The following PCDHGA3 variants were observed in gnomAD, a reference collection of about 807,000 sequenced individuals.
The protein encoded by PCDHGA3 is protocadherin gamma-A3.
Under a neutral mutation model 58.5 loss-of-function variants are expected in PCDHGA3, and 40 were observed. The ratio of observed to expected loss-of-function variants is 0.68; its 90% confidence interval spans 0.53 to 0.89. The LOEUF (loss-of-function observed/expected upper bound fraction) is 0.89. Ranked by LOEUF, PCDHGA3 falls within the 40% of genes least tolerant of loss-of-function variation. The pLI is 0.00. For synonymous variants in PCDHGA3, 530 were observed against 525.7 expected, an observed-to-expected ratio of 1.01 and a Z score of -0.11; for missense variants, 1,223 against 1,195.9, an observed-to-expected ratio of 1.02 and a Z score of -0.33.
chr5:141,421,443 G>A (rs1561793987), intron 1 of PCDHGA3: 4 of 1,614,106 alleles, frequency 2.5e-6, no homozygotes, highest in Non-Finnish European at 2.5e-6. Flanking sequence ...CCAGAGGGAA[G>A]ACACAGCTTT....
rs1000098905 is a variant in PCDHGA3 at position 141,353,769 on chromosome 5, C to T, written c.2424+7312C>T. ...TAAACATGTTGAGATTTTTTTAATG[C>T]ATACTGTCAAATTTATTTCCAAACA... On this transcript the variant is annotated intron_variant, in intron 1 of 3. Coordinates refer to ENST00000253812, the MANE Select transcript of PCDHGA3 (RefSeq NM_018916.4). Among the ~76,000 whole-genome samples, 6 of 152,110 alleles carry T rather than the reference C, an allele frequency of 3.9e-5. No homozygotes were observed. In the South Asian group the frequency reaches 8.3e-4, roughly 21 times the overall value.
In PCDHGA3 at chr5:141,415,213, G is replaced by A. The variant is rs750613524; in HGVS notation, c.2424+68756G>A. On this transcript the variant is annotated intron_variant, in intron 1 of 3. Coordinates refer to ENST00000253812, the MANE Select transcript of PCDHGA3 (RefSeq NM_018916.4). ...CATCCCCCAAGTCCTGGCGGACCTC[G>A]GCAGCTTCGAGTCTCCAGCTAACTC... 1.9e-6 allele frequency: 3 copies of A among 1,614,074 alleles called. No individual in the cohort carries two copies. In the East Asian group the frequency reaches 6.7e-5, roughly 36 times the overall value.
intron 1 of PCDHGA3, among the ~76,000 whole-genome samples, chr5:141,470,142 A>G (rs1308458765): frequency 6.6e-6 from 1 of 152,044 alleles, no homozygotes; most frequent in Non-Finnish European, 1.5e-5. Context: ...AAAAAAGATC[A>G]TAGATCATCT....
Position 141,489,802 on chromosome 5 carries a change from G to A in PCDHGA3, c.2425-5005G>A, listed in dbSNP as rs2099692541. On this transcript the variant is annotated intron_variant, in intron 1 of 3. Transcript: ENST00000253812. The surrounding 1 kb of genome is among the most constrained non-coding windows in gnomAD (Gnocchi z 4.5). ...TCTGAATGTGAAGACCCTAAAAGAT[G>A]GGAAGCCATTCCCAGAGCTGGTGCT... is the stretch of plus-strand genomic sequence containing the variant. 6.2e-7 allele frequency: 1 copy of A among 1,614,042 alleles called. No homozygotes were observed. The highest frequency in any genetic ancestry group is 1.1e-5 in the South Asian group (1 of 91,088).
chr5:141,478,392 A>G, intron 1 of PCDHGA3: 1 of 1,613,560 alleles, frequency 6.2e-7, no homozygotes, highest in Non-Finnish European at 8.5e-7. Context: ...CTTTACCATC[A>G]GGTGTATCTC....
chr5:141,466,039 A>G (rs926979550), intron 1 of PCDHGA3, among the ~76,000 whole-genome samples: 1 of 152,122 alleles, frequency 6.6e-6, no homozygotes, highest in Non-Finnish European at 1.5e-5. Context: ...GGAGAACGGC[A>G]TGAACCCAGG....
chr5:141,373,048 A>G (rs1215321006), intron 1 of PCDHGA3, among the ~76,000 whole-genome samples: 2 of 152,146 alleles, frequency 1.3e-5, no homozygotes, highest in African/African-American at 4.8e-5. Flanking sequence ...ATCCTAATAC[A>G]CTATAATCTG....
At chr5:141,443,088 T>G (rs188899890) in intron 1 of PCDHGA3, among the ~76,000 whole-genome samples, 1 of 151,974 alleles carries the variant, frequency 6.6e-6, no homozygotes, top group African/African-American at 2.4e-5. Context: ...TGTTCCAGTC[T>G]CCTTCTCAAG....
chr5:141,361,869 G>T, intron 1 of PCDHGA3: 1 of 1,611,438 alleles, frequency 6.2e-7, no homozygotes, highest in Non-Finnish European at 8.5e-7. Flanking sequence ...TCGATATGGT[G>T]CCACGCGCCG....
intron 1 of PCDHGA3, among the ~76,000 whole-genome samples, chr5:141,359,306 G>A (rs1761168540): frequency 6.6e-6 from 1 of 152,084 alleles, no homozygotes; most frequent in African/African-American, 2.4e-5. Context: ...AGCATATTCA[G>A]GTGTTGGCAT....
chr5:141,385,066 C>T, intron 1 of PCDHGA3: 2 of 1,614,194 alleles, frequency 1.2e-6, no homozygotes, highest in South Asian at 1.1e-5. Context: ...GCACAAGTCA[C>T]GCCTGCTGCA....
Position 141,345,233 on chromosome 5 carries a change from A to G in PCDHGA3, c.1200A>G (p.Gln400=), listed in dbSNP as rs202138177. Residue 400 remains glutamine, a synonymous_variant, in exon 1 of 4, where the codon CAA becomes CAG. Transcript: ENST00000253812. ...LPFKLEKSID[Q]YYRLVTATSL... The stretch of plus-strand genomic sequence containing the variant: ...TTAAGTTAGAAAAATCAATAGATCA[A>G]TATTACCGCTTAGTGACGGCCACAT... 364 of 1,613,968 alleles carry G rather than the reference A, an allele frequency of 2.3e-4. No individual in the cohort carries two copies. In the East Asian group the frequency reaches 7.0e-3, roughly 31 times the overall value.
rs573785314 is a variant in PCDHGA3 at position 141,435,382 on chromosome 5, C to T, written c.2425-59425C>T. 2.0e-5 allele frequency among the ~76,000 whole-genome samples: 3 copies of T among 152,034 alleles called. No homozygotes were observed. In the East Asian group the frequency reaches 5.8e-4, roughly 29 times the overall value. ...TTTATCACTTAAATATACAATATAC[C>T]GTATTGCCATGACGAAAAATGGTAA... On this transcript the variant is annotated intron_variant, in intron 1 of 3. Transcript: ENST00000253812.
At position 141,486,449 on chromosome 5, in the gene PCDHGA3, A is replaced by G; in HGVS notation, c.2425-8358A>G. On this transcript the variant is annotated intron_variant, in intron 1 of 3. Coordinates refer to ENST00000253812, the MANE Select transcript of PCDHGA3 (RefSeq NM_018916.4). The surrounding 1 kb of genome is among the most constrained non-coding windows in gnomAD (Gnocchi z 5.0). The stretch of plus-strand genomic sequence containing the variant: ...CAAATCTAGCTATGACATCATGGTC[A>G]CTGCTTCTGATGCTGGGAACCCTCC... The G allele has an allele frequency of 6.2e-7, 1 of 1,614,184 alleles. No homozygotes were observed. Among genetic ancestry groups the G allele is most frequent in the Non-Finnish European group, 8.5e-7 (1 of 1,180,000 alleles).
chr5:141,431,502 G>A lies in PCDHGA3; in HGVS notation c.2425-63305G>A, dbSNP rs749812839. ...CCAGCGTTTGCTCAGCCCGAGTACC[G>A]CGCGAGCGTTCCGGAGAATCTGGCC... On this transcript the variant is annotated intron_variant, in intron 1 of 3. Coordinates refer to ENST00000253812, the MANE Select transcript of PCDHGA3 (RefSeq NM_018916.4). This position sits in a 1 kb window ranked among gnomAD's most constrained non-coding sequence, Gnocchi z 4.8. 6 of 1,614,008 alleles carry A rather than the reference G, an allele frequency of 3.7e-6. No homozygotes were observed. In the East Asian group the frequency reaches 6.7e-5, roughly 18 times the overall value.
rs761396116 is a variant in PCDHGA3 at position 141,409,790 on chromosome 5, C to T, written c.2424+63333C>T. 4 of 1,612,010 alleles carry T rather than the reference C, an allele frequency of 2.5e-6. No homozygotes were observed. The Admixed American group carries it at 5.0e-5, about 20-fold the overall frequency. ...TCACGAGCAGCTGCGCGCCTTCGCGCTCACGCTGCAGGCCCGCGACCACGG... is the reference window on the plus strand; with the variant it reads ...TCACGAGCAGCTGCGCGCCTTCGCGTTCACGCTGCAGGCCCGCGACCACGG... On this transcript the variant is annotated intron_variant, in intron 1 of 3. Transcript: ENST00000253812.
intron 2 of PCDHGA3, among the ~76,000 whole-genome samples, chr5:141,502,866 C>CTTTTTTT (rs549047197): frequency 0.02 from 2,590 of 127,990 alleles, 216 homozygotes; most frequent in African/African-American, 0.075. Flanking sequence ...GACTCTCTGT[C>CTTTTTTT]TTTTTTTTTT....
In PCDHGA3 at chr5:141,375,919, C is replaced by A. The variant is rs746123042; in HGVS notation, c.2424+29462C>A. Reference sequence around the variant, plus strand: ...TGTCCTACCGCCTGCTCAAGGCCAGCGAGCCAGGACTTTTCTCAGTGGGCC... The same window carrying A: ...TGTCCTACCGCCTGCTCAAGGCCAGAGAGCCAGGACTTTTCTCAGTGGGCC... On this transcript the variant is annotated intron_variant, in intron 1 of 3. Coordinates refer to ENST00000253812, the MANE Select transcript of PCDHGA3 (RefSeq NM_018916.4). 2.5e-5 allele frequency: 40 copies of A among 1,613,612 alleles called. No homozygotes were observed. In the Middle Eastern group the frequency reaches 8.4e-4, roughly 34 times the overall value.
intron 1 of PCDHGA3, chr5:141,394,704 G>A (rs1357305999): frequency 1.2e-6 from 2 of 1,613,268 alleles, no homozygotes; most frequent in East Asian, 2.2e-5. Context: ...CACGGCGCGA[G>A]CCCTGCTGGA....
Sources: allele counts gnomAD v4.1 joint callset (sites outside exome capture counted in the v4.1 genomes callset), GRCh38; gene constraint gnomAD v4.1.1; non-coding constraint Gnocchi (gnomAD v3.1); transcripts MANE v1.5; gene names NCBI Gene and HGNC (gene_info 2026-07-23, HGNC 2026-07-21).